Variants in RPL37A observed in about 807,000 individuals in gnomAD.
RPL37A encodes ribosomal protein L37a, also known as large ribosomal subunit protein eL43.
Under a neutral mutation model 13.6 loss-of-function variants are expected in RPL37A, and 5 were observed. That is an observed-to-expected ratio of 0.37 (90% CI 0.19 to 0.78). RPL37A has a LOEUF of 0.78. Ranked by LOEUF, RPL37A falls within the 30% of genes least tolerant of loss-of-function variation. RPL37A has a pLI of 0.49. For synonymous variants in RPL37A, 50 were observed against 44.4 expected, an observed-to-expected ratio of 1.13 and a Z score of -0.50; for missense variants, 77 against 120.0, an observed-to-expected ratio of 0.64 and a Z score of 1.67.
chr2:216,501,769 G>C lies in RPL37A; in HGVS notation c.*365G>C, dbSNP rs1330129450. ...CGGAGTCTCTGTTACCCAGGCTGGA[G>C]TGCAGTATACCAGTCTTGGCCCACT... On this transcript the variant is annotated 3_prime_UTR_variant, in exon 4 of 4. Coordinates refer to ENST00000491306, the MANE Select transcript of RPL37A (RefSeq NM_000998.5). The C allele has an allele frequency of 5.4e-6, 1 of 185,108 alleles. No individual in the cohort carries two copies. The highest frequency in any genetic ancestry group is 2.4e-5 in the African/African-American group (1 of 41,926). 11.5% of individuals were successfully genotyped at this position (185,108 alleles called of 1,614,324 possible).
chr2:216,499,112 T>C, intron 1 of RPL37A, 158 bp from the exon 2 acceptor site: 1 of 1,201,014 alleles, frequency 8.3e-7, no homozygotes, highest in South Asian at 1.5e-5. Context: ...CGGCCAGCCC[T>C]GGGCACTGGT....
intron 3 of RPL37A, 93 bp from the exon 4 acceptor site, chr2:216,501,248 C>A: frequency 9.8e-7 from 1 of 1,015,400 alleles, no homozygotes; most frequent in Non-Finnish European, 1.5e-6. Flanking sequence ...ATTTGGGAAG[C>A]GACTTTAACA....
intron 1 of RPL37A, 58 bp from the exon 2 acceptor site, chr2:216,499,212 C>A: frequency 6.3e-7 from 1 of 1,575,336 alleles, no homozygotes; most frequent in Non-Finnish European, 8.6e-7. Flanking sequence ...TGTGTGGAGG[C>A]TCCAGGGCCT....
In RPL37A at chr2:216,498,873, A is replaced by G. The variant is rs28365966; in HGVS notation, c.-2A>G. 5,619 of 1,614,010 alleles carry G rather than the reference A, an allele frequency of 3.5e-3. 83 individuals are homozygous for G. The African/African-American group carries it at 0.044, about 13-fold the overall frequency. ...CTGGGCTCGGACCTAGGTCGCGGCG[A>G]CATGGTGAGTGTGGGTCTCTGTGCG... On this transcript the variant is annotated 5_prime_UTR_variant, in exon 1 of 4. Transcript: ENST00000491306.
intron 3 of RPL37A, 92 bp from the exon 4 acceptor site, chr2:216,501,249 G>T (rs1055165471): frequency 6.7e-6 from 7 of 1,043,586 alleles, no homozygotes; most frequent in Admixed American, 5.6e-5. Flanking sequence ...TTTGGGAAGC[G>T]ACTTTAACAC....
Position 216,503,274 on chromosome 2 carries a change from G to C in RPL37A, c.*1870G>C, listed in dbSNP as rs181971649. On this transcript the variant is annotated 3_prime_UTR_variant, in exon 4 of 4. Coordinates refer to ENST00000491306, the MANE Select transcript of RPL37A (RefSeq NM_000998.5). ...CTTAACCTCTCTGCTTCAGTTTCCTGTATAATTCTTGGTAGTAGAATGGAG... is the reference window on the plus strand; with the variant it reads ...CTTAACCTCTCTGCTTCAGTTTCCTCTATAATTCTTGGTAGTAGAATGGAG... 1 of 152,336 alleles carries C rather than the reference G, an allele frequency of 6.6e-6. No homozygotes were observed. Among genetic ancestry groups the C allele is most frequent in the East Asian group, 1.9e-4 (1 of 5,188 alleles). The allele number at this position is 152,336 out of a possible 1,614,324, so 9.4% of individuals were successfully genotyped here.
Position 216,502,173 on chromosome 2 carries a change from A to T in RPL37A, c.*769A>T, listed in dbSNP as rs577356493. 1 of 152,204 alleles carries T rather than the reference A, an allele frequency of 6.6e-6. No individual in the cohort carries two copies. Among genetic ancestry groups the T allele is most frequent in the East Asian group, 1.9e-4 (1 of 5,174 alleles). 9.4% of individuals were successfully genotyped at this position (152,204 alleles called of 1,614,324 possible). Reference sequence around the variant, plus strand: ...AAAAACCCGTCTCGACGAAAAATACAAAAAATAGCTTGGTATGGTGGCACA... The same window carrying T: ...AAAAACCCGTCTCGACGAAAAATACTAAAAATAGCTTGGTATGGTGGCACA... On this transcript the variant is annotated 3_prime_UTR_variant, in exon 4 of 4. Coordinates refer to ENST00000491306, the MANE Select transcript of RPL37A (RefSeq NM_000998.5).
Position 216,502,517 on chromosome 2 carries a change from AT to A in RPL37A, c.*1115del, listed in dbSNP as rs1391939067. 2.0e-5 allele frequency: 3 copies of A among 152,218 alleles called. No homozygotes were observed. Among genetic ancestry groups the A allele is most frequent in the Non-Finnish European group, 1.5e-5 (1 of 68,044 alleles). 9.4% of individuals were successfully genotyped at this position (152,218 alleles called of 1,614,324 possible). A position where few individuals can be genotyped will look rare whatever the true frequency, so the allele number is the denominator to read the frequency against. ...TAAGGATTCGTAGGATTGATTTCAG[AT>A]TGACAGATGGTTGTAGTAACAAAAA... On this transcript the variant is annotated 3_prime_UTR_variant, in exon 4 of 4. Transcript: ENST00000491306.
chr2:216,501,024 TAAAAA>T (rs879316825), intron 3 of RPL37A: 9 of 199,314 alleles, frequency 4.5e-5, no homozygotes, highest in Non-Finnish European at 8.0e-5. Flanking sequence ...GAGTTACTTA[TAAAAA>T]AAAAAGCAAC....
In RPL37A at chr2:216,499,384, T is replaced by A; in HGVS notation, c.118T>A (p.Ser40Thr). The change falls in exon 2 of 4, where the codon TCT becomes ACT. Residue 40 changes from serine to threonine, a missense_variant. Transcript: ENST00000491306. ...CAGCCAGCACGCCAAGTACACTTGC[T>A]CTTTCTGTGGCAAAGTAAGTAAGGC... ...EISQHAKYTC[S>T]FCGKTKMKRR... The A allele has an allele frequency of 1.2e-6, 2 of 1,614,172 alleles. No homozygotes were observed. The highest frequency in any genetic ancestry group is 1.7e-6 in the Non-Finnish European group (2 of 1,180,026).
intron 1 of RPL37A, 70 bp from the exon 2 acceptor site, chr2:216,499,200 G>T: frequency 1.3e-6 from 2 of 1,527,208 alleles, no homozygotes; most frequent in Non-Finnish European, 1.8e-6. Context: ...GTGGAGGAAC[G>T]GTGTGTGGAG....
rs1559145038 is a variant in RPL37A at position 216,500,033 on chromosome 2, T to G, written c.215+2T>G. 6.2e-7 allele frequency: 1 copy of G among 1,610,602 alleles called. No homozygotes were observed. On this transcript the variant is annotated splice_donor_variant, in intron 3 of 3. Coordinates refer to ENST00000491306, the MANE Select transcript of RPL37A (RefSeq NM_000998.5). LOFTEE classifies it high-confidence loss of function. The stretch of plus-strand genomic sequence containing the variant: ...GGCTGGCGGTGCCTGGACGTACAAG[T>G]GAGTCTAGTTCCTTGTGGTATTTGG...
Position 216,501,746 on chromosome 2 carries a change from G to A in RPL37A, c.*342G>A, listed in dbSNP as rs1284514686. 2 of 194,662 alleles carry A rather than the reference G, an allele frequency of 1.0e-5. No homozygotes were observed. Among genetic ancestry groups the A allele is most frequent in the Non-Finnish European group, 2.1e-5 (2 of 94,496 alleles). 12.1% of individuals were successfully genotyped at this position (194,662 alleles called of 1,614,324 possible). ...AGTTTTTTTGTTTGTTTTTGAGGCG[G>A]AGTCTCTGTTACCCAGGCTGGAGTG... On this transcript the variant is annotated 3_prime_UTR_variant, in exon 4 of 4. Transcript: ENST00000491306.
intron 3 of RPL37A, 67 bp downstream of exon 3, chr2:216,500,098 C>A: frequency 8.2e-7 from 1 of 1,223,534 alleles, no homozygotes; most frequent in Non-Finnish European, 1.2e-6. Flanking sequence ...CAGGTTGCTG[C>A]TGGATGGGCT....
rs907923015 is a variant in RPL37A at position 216,503,647 on chromosome 2, T to C, written c.*2243T>C. The C allele has an allele frequency of 6.6e-5, 10 of 152,202 alleles. No individual in the cohort carries two copies. The highest frequency in any genetic ancestry group is 2.4e-4 in the African/African-American group (10 of 41,448). The allele number at this position is 152,202 out of a possible 1,614,324, so 9.4% of individuals were successfully genotyped here. ...AAACTCCCAGGCTCAACTGATAACG[T>C]CTGCCTTGGCCTCCCAAAGTGCTGG... On this transcript the variant is annotated 3_prime_UTR_variant, in exon 4 of 4. Coordinates refer to ENST00000491306, the MANE Select transcript of RPL37A (RefSeq NM_000998.5).
chr2:216,500,253 T>G (rs548448961), intron 3 of RPL37A: 1 of 579,968 alleles, frequency 1.7e-6, no homozygotes, highest in Non-Finnish European at 3.1e-6. Context: ...CAGACTACTT[T>G]AGAATTTGAT....
At position 216,499,253 on chromosome 2, in the gene RPL37A, C is replaced by G. The variant is rs940646220; in HGVS notation, c.4-17C>G. On this transcript the variant is annotated splice_polypyrimidine_tract_variant and intron_variant, in intron 1 of 3. Transcript: ENST00000491306. The stretch of plus-strand genomic sequence containing the variant: ...GGTTCCAGGTCTATCACTGGTTTCT[C>G]CCTTCACTCTAAACAGGCCAAACGT... The G allele has an allele frequency of 1.9e-6, 3 of 1,608,710 alleles. No individual in the cohort carries two copies. The highest frequency in any genetic ancestry group is 2.2e-4 in the Middle Eastern group (1 of 4,630).
At chr2:216,501,318 G>T in intron 3 of RPL37A, 23 bp from the exon 4 acceptor site, 1 of 1,602,010 alleles carries the variant, frequency 6.2e-7, no homozygotes, top group Non-Finnish European at 8.5e-7. Context: ...TAATTATGTT[G>T]GAAACTGAAT....
chr2:216,500,436 G>C (rs1016373193), intron 3 of RPL37A: 1 of 269,686 alleles, frequency 3.7e-6, no homozygotes, highest in Non-Finnish European at 7.2e-6. Flanking sequence ...CCACAGTTTC[G>C]TCTTTCTGAA....
Sources: gnomAD v4.1 joint callset for allele counts on GRCh38, gnomAD v4.1.1 for gene constraint, MANE v1.5 for transcripts, NCBI Gene and HGNC (gene_info 2026-07-23, HGNC 2026-07-21) for gene names.